FHIP1B: variants seen among roughly 807,000 people sequenced by gnomAD.
FHIP1B encodes the protein FHF complex subunit HOOK interacting protein 1B.
In FHIP1B, 28 loss-of-function variants were observed where a neutral mutation model predicts 82.2. That is an observed-to-expected ratio of 0.34 (90% confidence interval 0.25 to 0.47). The LOEUF (loss-of-function observed/expected upper bound fraction) is 0.47. Among genes scored for constraint, FHIP1B ranks in the 20% least tolerant of loss-of-function variants. The pLI, the probability that FHIP1B is intolerant of heterozygous loss-of-function variation, is 1.00. For missense variants in FHIP1B, 1,110 were observed against 1,262.6 expected, an observed-to-expected ratio of 0.88 and a Z score of 1.83; for synonymous variants, 585 against 516.1, an observed-to-expected ratio of 1.13 and a Z score of -1.81.
In FHIP1B at chr11:6,224,124, G is replaced by A. The variant is rs374274173; in HGVS notation, c.263C>T (p.Ser88Leu). Residue 88 changes from serine (S) to leucine (L), a missense_variant, in exon 3 of 12, where the codon TCG becomes TTG. By Grantham distance (145) the Ser-to-Leu change is moderately radical (BLOSUM62 -2). Transcript: ENST00000449352. ...CAGGGGCCCAGGGCCTGTGGGGGCC[G>A]AGGGAACTGCACGGTCCTCTGCCAG... Reference protein sequence around the residue: ...TLLAEDRAVPSAPTGPGPLLE... With the variant: ...TLLAEDRAVPLAPTGPGPLLE... 37 of 1,613,922 alleles carry A rather than the reference G, an allele frequency of 2.3e-5. No individual in the cohort carries two copies. Among genetic ancestry groups the A allele is most frequent in the East Asian group, 1.3e-4 (6 of 44,852 alleles).
intron 4 of FHIP1B, 72 bp from the exon 5 acceptor site, chr11:6,222,969 C>G: frequency 6.3e-7 from 1 of 1,579,538 alleles, no homozygotes; most frequent in South Asian, 1.1e-5. Context: ...GAATAGTACA[C>G]TACAGAGAGG....
intron 6 of FHIP1B, among the ~76,000 whole-genome samples, chr11:6,220,917 T>C (rs1847388401): frequency 6.6e-6 from 1 of 152,240 alleles, no homozygotes; most frequent in African/African-American, 2.4e-5. Context: ...ACTTTTGGTA[T>C]CTTTGTAAAA....
intron 1 of FHIP1B, among the ~76,000 whole-genome samples, chr11:6,232,117 A>G (rs1185856954): frequency 6.6e-6 from 1 of 151,982 alleles, no homozygotes; most frequent in Non-Finnish European, 1.5e-5. Flanking sequence ...TGTATGTTTC[A>G]TCCTCTCAGA....
In FHIP1B at chr11:6,223,687, G is replaced by C; in HGVS notation, c.700C>G (p.Leu234Val). ...GTLGQQARDA[L>V]LLLMALSAGS... ...GCTGACAAAGCCATGAGAAGAAGTA[G>C]GGCATCACGGGCCTGCTGGCCCAGG... The change falls in exon 3 of 12, where the codon CTA becomes GTA. Residue 234 changes from leucine (L) to valine (V), a missense_variant. Coordinates refer to ENST00000449352, the MANE Select transcript of FHIP1B (RefSeq NM_001098794.2). This position sits in a 1 kb window ranked among gnomAD's most constrained non-coding sequence, Gnocchi z 4.8. 1 of 1,613,956 alleles carries C rather than the reference G, an allele frequency of 6.2e-7. No individual in the cohort carries two copies. Among genetic ancestry groups the C allele is most frequent in the African/African-American group, 1.3e-5 (1 of 75,040 alleles).
chr11:6,223,072 A>C lies in FHIP1B; in HGVS notation c.936+8T>G. 6.3e-7 allele frequency: 1 copy of C among 1,575,798 alleles called. No individual in the cohort carries two copies. Among genetic ancestry groups the C allele is most frequent in the East Asian group, 2.2e-5 (1 of 44,510 alleles). ...AAAAATGACCAAGGGCCAGACTTTCAGTCCTACCTGAATTACTGCATTGCA... is the reference window on the plus strand; with the variant it reads ...AAAAATGACCAAGGGCCAGACTTTCCGTCCTACCTGAATTACTGCATTGCA... On this transcript the variant is annotated splice_region_variant and intron_variant, in intron 4 of 11. Coordinates refer to ENST00000449352, the MANE Select transcript of FHIP1B (RefSeq NM_001098794.2). This position sits in a 1 kb window ranked among gnomAD's most constrained non-coding sequence, Gnocchi z 4.8.
Position 6,217,955 on chromosome 11 carries a change from G to A in FHIP1B, c.1631C>T (p.Pro544Leu). ...PGRRPTPAEE[P>L]GELEDNYLEY... ...CAGGTAATTGTCTTCCAGCTCTCCA[G>A]GCTCCTCTGCAGGGGTAGGCCGTCG... Residue 544 changes from proline to leucine, a missense_variant, in exon 9 of 12, where the codon CCT becomes CTT. Physicochemically the swap from Pro to Leu is moderately conservative, Grantham distance 98. Around this residue, in one of 6 missense-constraint regions of FHIP1B, gnomAD observed 418 missense variants for 371.4 expected, o/e 1.13. Transcript: ENST00000449352. 1 of 1,613,138 alleles carries A rather than the reference G, an allele frequency of 6.2e-7. No homozygotes were observed. The highest frequency in any genetic ancestry group is 8.5e-7 in the Non-Finnish European group (1 of 1,180,034).
intron 1 of FHIP1B, among the ~76,000 whole-genome samples, chr11:6,225,017 A>G (rs531584165): frequency 5.9e-5 from 9 of 152,250 alleles, no homozygotes; most frequent in Admixed American, 3.3e-4. Flanking sequence ...TATCATCTCT[A>G]CCTTCAAAAT....
chr11:6,219,950 T>TG (rs1180040829), intron 6 of FHIP1B, among the ~76,000 whole-genome samples: 1 of 152,200 alleles, frequency 6.6e-6, no homozygotes, highest in Non-Finnish European at 1.5e-5. Flanking sequence ...ATAGCATGGA[T>TG]GTTCAGGAGG....
chr11:6,217,776 T>G lies in FHIP1B; in HGVS notation c.1810A>C (p.Asn604His). The change falls in exon 9 of 12, where the codon AAC becomes CAC. Residue 604 changes from asparagine (N) to histidine (H), a missense_variant. By Grantham distance (68) the Asn-to-His change is moderately conservative. Transcript: ENST00000449352. Reference sequence around the variant, plus strand: ...TCCTCCTCCCCTTCCCCCACGTTGTTCCTGTCCTCCTCAGGCAGTAGGCTG... The same window carrying G: ...TCCTCCTCCCCTTCCCCCACGTTGTGCCTGTCCTCCTCAGGCAGTAGGCTG... ...KRSLLPEEDR[N>H]NVGEGEEEEL... 1 of 1,610,126 alleles carries G rather than the reference T, an allele frequency of 6.2e-7. No homozygotes were observed. The highest frequency in any genetic ancestry group is 1.3e-5 in the African/African-American group (1 of 74,830).
rs1847082927 is a variant in FHIP1B at position 6,211,851 on chromosome 11, T to C, written c.2574A>G (p.Pro858=). Residue 858 remains proline, a synonymous_variant, in exon 12 of 12, where the codon CCA becomes CCG. Coordinates refer to ENST00000449352, the MANE Select transcript of FHIP1B (RefSeq NM_001098794.2). ...RSDPLVKSRR[P]SLGELLLRHA... is the part of the protein sequence containing the mutation. ...GCCGCAGGAGTAACTCCCCCAAGGA[T>C]GGCCTCCGGCTCTTCACTGGGAATA... 2.9e-5 allele frequency: 46 copies of C among 1,578,974 alleles called. No homozygotes were observed. The highest frequency in any genetic ancestry group is 3.8e-5 in the Non-Finnish European group (44 of 1,164,642).
At chr11:6,213,984 C>T (rs1847146929) in intron 11 of FHIP1B, among the ~76,000 whole-genome samples, 1 of 145,876 alleles carries the variant, frequency 6.9e-6, no homozygotes, top group Admixed American at 6.9e-5. Context: ...CCAATTATTC[C>T]ACCAACTTTT....
intron 11 of FHIP1B, among the ~76,000 whole-genome samples, chr11:6,213,127 G>A (rs1344163411): frequency 6.6e-6 from 1 of 152,146 alleles, no homozygotes; most frequent in African/African-American, 2.4e-5. Context: ...CACCAGAACT[G>A]TAGAAGGAAG....
chr11:6,217,571 T>A lies in FHIP1B; in HGVS notation c.2015A>T (p.Glu672Val). 3 of 1,611,794 alleles carry A rather than the reference T, an allele frequency of 1.9e-6. No individual in the cohort carries two copies. The highest frequency in any genetic ancestry group is 2.5e-6 in the Non-Finnish European group (3 of 1,178,762). Residue 672 changes from glutamate (E) to valine (V), a missense_variant, in exon 9 of 12, where the codon GAG becomes GTG. Around this residue, in one of 6 missense-constraint regions of FHIP1B, gnomAD observed 418 missense variants for 371.4 expected, o/e 1.13. Transcript: ENST00000449352. ...EGISEGMAGLEGFGQELRELE... is the reference protein window; with the variant it reads ...EGISEGMAGLVGFGQELRELE... ...CTCCCGGAGCTCCTGCCCAAAGCCCTCTAGTCCTGCCATGCCCTCGGAGAT... is the reference window on the plus strand; with the variant it reads ...CTCCCGGAGCTCCTGCCCAAAGCCCACTAGTCCTGCCATGCCCTCGGAGAT...
In FHIP1B at chr11:6,211,705, G is replaced by T. The variant is rs765264764; in HGVS notation, c.2720C>A (p.Thr907Asn). Residue 907 changes from threonine to asparagine, a missense_variant, in exon 12 of 12, where the codon ACC (threonine) becomes AAC (asparagine). Thr to Asn is a moderately conservative substitution (Grantham distance 65). Coordinates refer to ENST00000449352, the MANE Select transcript of FHIP1B (RefSeq NM_001098794.2). Reference protein sequence around the residue: ...SPGASTPVLLTRGGAPERQGE... With the variant: ...SPGASTPVLLNRGGAPERQGE... ...TTGGCGTTCAGGGGCCCCGCCCCGGGTGAGTAGAACTGGAGTTGAAGCCCC... is the reference window on the plus strand; with the variant it reads ...TTGGCGTTCAGGGGCCCCGCCCCGGTTGAGTAGAACTGGAGTTGAAGCCCC... 1.9e-6 allele frequency: 3 copies of T among 1,614,236 alleles called. No individual in the cohort carries two copies. The South Asian group carries it at 3.3e-5, about 18-fold the overall frequency.
At chr11:6,228,350 C>CA (rs972521859) in intron 1 of FHIP1B, among the ~76,000 whole-genome samples, 2,803 of 143,534 alleles carry the variant, frequency 0.02, 72 homozygotes, top group African/African-American at 0.064. Flanking sequence ...AACTCTGTCT[C>CA]AAAAAAAAAA....
chr11:6,224,484 G>A lies in FHIP1B; in HGVS notation c.33C>T (p.Ala11=). 6.2e-7 allele frequency: 1 copy of A among 1,613,848 alleles called. No homozygotes were observed. Among genetic ancestry groups the A allele is most frequent in the Non-Finnish European group, 8.5e-7 (1 of 1,179,858 alleles). The change falls in exon 2 of 12, where the codon GCC becomes GCT. Residue 11 remains alanine (A), a synonymous_variant. Coordinates refer to ENST00000449352, the MANE Select transcript of FHIP1B (RefSeq NM_001098794.2). MERMNWLSRL[A]SRGPGHRIPQ... ...GTATACGGTGCCCAGGGCCCCGGGA[G>A]GCCAGTCTGCTCAGCCAATTCATCC...
chr11:6,217,903 A>T lies in FHIP1B; in HGVS notation c.1683T>A (p.Gly561=), dbSNP rs984692768. Residue 561 remains glycine (G), a synonymous_variant, in exon 9 of 12, where the codon GGT becomes GGA. Coordinates refer to ENST00000449352, the MANE Select transcript of FHIP1B (RefSeq NM_001098794.2). ...GGCAGGCTCGGACACAGCGGTCCAC[A>T]CCACGACGTGCCTCACGCAGATACT... is the stretch of plus-strand genomic sequence containing the variant. The part of the protein sequence containing the change: ...YLEYLREARR[G]VDRCVRACRT... 5 of 1,612,880 alleles carry T rather than the reference A, an allele frequency of 3.1e-6. No homozygotes were observed. In the African/African-American group the frequency reaches 6.7e-5, roughly 22 times the overall value.
At position 6,214,586 on chromosome 11, in the gene FHIP1B, C is replaced by G; in HGVS notation, c.2395-13G>C. 4 of 1,605,306 alleles carry G rather than the reference C, an allele frequency of 2.5e-6. No homozygotes were observed. The highest frequency in any genetic ancestry group is 3.4e-6 in the Non-Finnish European group (4 of 1,174,772). Reference sequence around the variant, plus strand: ...CAGAGCCCAGCACCTATGAAGCACACCTTCGTGACATTTCTGAGCAGCTCT... The same window carrying G: ...CAGAGCCCAGCACCTATGAAGCACAGCTTCGTGACATTTCTGAGCAGCTCT... On this transcript the variant is annotated splice_polypyrimidine_tract_variant and intron_variant, in intron 10 of 11. Transcript: ENST00000449352.
rs966569276 is a variant in FHIP1B at position 6,219,998 on chromosome 11, T to C, written c.1192-948A>G. 3.9e-5 allele frequency among the ~76,000 whole-genome samples: 6 copies of C among 152,078 alleles called. No homozygotes were observed. The South Asian group carries it at 1.2e-3, about 32-fold the overall frequency. ...ACCACTTTAGCTAGCAATGAAAAAATTCAGACTCACTGAAAAGTAGTAAGT... is the reference window on the plus strand; with the variant it reads ...ACCACTTTAGCTAGCAATGAAAAAACTCAGACTCACTGAAAAGTAGTAAGT... On this transcript the variant is annotated intron_variant, in intron 6 of 11. Transcript: ENST00000449352.
Sources: gnomAD v4.1 joint callset for allele counts (sites outside exome capture counted in the v4.1 genomes callset) on GRCh38, gnomAD v4.1.1 for gene constraint, gnomAD v4.1.1 regional missense constraint, Gnocchi (gnomAD v3.1) non-coding constraint, MANE v1.5 for transcripts, NCBI Gene and HGNC (gene_info 2026-07-23, HGNC 2026-07-21) for gene names.